The following KNTC1 variants were observed in gnomAD, a reference collection of about 807,000 sequenced individuals.
KNTC1 encodes the protein kinetochore associated 1.
KNTC1 carries 253 observed loss-of-function variants against 314.4 expected under a neutral mutation model. The ratio of observed to expected loss-of-function variants is 0.80; its 90% confidence interval spans 0.73 to 0.89. The LOEUF (loss-of-function observed/expected upper bound fraction) is 0.89. Among genes scored for constraint, KNTC1 ranks in the 40% least tolerant of loss-of-function variants. The pLI is 0.00. For synonymous variants in KNTC1, 901 were observed against 901.4 expected (o/e 1.00, Z 0.01); for missense variants, 2,475 against 2,572.9 (o/e 0.96, Z 0.82).
In KNTC1 at chr12:122,575,885, A is replaced by G. The variant is rs530518298; in HGVS notation, c.2572A>G (p.Asn858Asp). 38 of 1,611,666 alleles carry G rather than the reference A, an allele frequency of 2.4e-5. 1 individual carries two copies. In the South Asian group the frequency reaches 4.2e-4, roughly 18 times the overall value. The change falls in exon 29 of 64, where the codon AAC becomes GAC. Residue 858 changes from asparagine (N) to aspartate (D), a missense_variant. Physicochemically the swap from Asn to Asp is conservative, Grantham distance 23 (BLOSUM62 1). Transcript: ENST00000333479. ...GYGIREVNLL[N>D]KEIMRVVRYI... ...TGGAATAAGAGAGGTAAATCTCTTA[A>G]ACAAGGAAATAATGGTAAGTACACT... is the stretch of plus-strand genomic sequence containing the variant.
chr12:122,622,816 C>T (rs1194042031), intron 62 of KNTC1, among the ~76,000 whole-genome samples: 1 of 151,904 alleles, frequency 6.6e-6, no homozygotes, highest in Non-Finnish European at 1.5e-5. Context: ...GGCATGGTGG[C>T]ACATACCTGT....
At chr12:122,624,261 TTTTTCTTTTC>T (rs141832553) in intron 62 of KNTC1, among the ~76,000 whole-genome samples, 11,504 of 150,928 alleles carry the variant, frequency 0.076, 563 homozygotes, top group Middle Eastern at 0.13. Flanking sequence ...TCAATGCCTC[TTTTTCTTTTC>T]TTTTCTTTTC....
intron 58 of KNTC1, 27 bp downstream of exon 58, chr12:122,618,424 A>C: frequency 1.2e-6 from 2 of 1,613,126 alleles, no homozygotes; most frequent in Non-Finnish European, 8.5e-7. Flanking sequence ...AACATTGGCT[A>C]CAGCATTTTA....
chr12:122,588,632 A>T (rs1376918507), intron 39 of KNTC1, 80 bp from the exon 40 acceptor site: 1 of 1,023,990 alleles, frequency 9.8e-7, no homozygotes, highest in East Asian at 3.0e-5. Context: ...AATTTTCACC[A>T]AAGTTCCTTA....
At chr12:122,585,042 CCTTT>C (rs1869032394) in intron 36 of KNTC1, 52 bp downstream of exon 36, 17 of 1,039,452 alleles carry the variant, frequency 1.6e-5, no homozygotes, top group Non-Finnish European at 2.5e-5. Flanking sequence ...GCATTATGCA[CCTTT>C]TTTTTTTTTC....
chr12:122,580,727 C>T, intron 33 of KNTC1, 57 bp downstream of exon 33: 1 of 1,225,668 alleles, frequency 8.2e-7, no homozygotes, highest in South Asian at 1.4e-5. Flanking sequence ...GCATTTTTCC[C>T]TCCTTAAAGT....
Position 122,572,917 on chromosome 12 carries a change from C to G in KNTC1, c.2020-20C>G, listed in dbSNP as rs1565971285. 2 of 1,488,692 alleles carry G rather than the reference C, an allele frequency of 1.3e-6. No homozygotes were observed. Among genetic ancestry groups the G allele is most frequent in the Non-Finnish European group, 1.8e-6 (2 of 1,090,910 alleles). 92.2% of individuals were successfully genotyped at this position (1,488,692 alleles called of 1,614,324 possible). A position where few individuals can be genotyped will look rare whatever the true frequency, so the allele number is the denominator to read the frequency against. On this transcript the variant is annotated intron_variant, in intron 24 of 63. Transcript: ENST00000333479. ...TACTTTTATTTTATATCGTTAACAA[C>G]TTTAACACTTTTGTTTTAGAAAGAT... is the stretch of plus-strand genomic sequence containing the variant.
Position 122,572,972 on chromosome 12 carries a change from A to G in KNTC1, c.2055A>G (p.Leu685=), listed in dbSNP as rs1236993678. The G allele has an allele frequency of 1.9e-6, 3 of 1,601,932 alleles. No homozygotes were observed. The highest frequency in any genetic ancestry group is 2.6e-6 in the Non-Finnish European group (3 of 1,171,862). The change falls in exon 25 of 64, where the codon CTA becomes CTG. Residue 685 remains leucine (L), a synonymous_variant. Coordinates refer to ENST00000333479, the MANE Select transcript of KNTC1 (RefSeq NM_014708.6). ...DYQNTEEVCQ[L]RTLVNNLREL... ...AGAACACAGAGGAAGTATGTCAGCT[A>G]AGGACTTTGGTAAATAACTTGCGAG...
intron 18 of KNTC1, among the ~76,000 whole-genome samples, chr12:122,560,672 C>G (rs1033053864): frequency 2.0e-5 from 3 of 152,098 alleles, no homozygotes; most frequent in Non-Finnish European, 2.9e-5. Context: ...ACACTGGGCC[C>G]TAATTCTCTT....
chr12:122,557,713 G>C (rs764876476), intron 18 of KNTC1, 24 bp downstream of exon 18: 117 of 1,550,772 alleles, frequency 7.5e-5, no homozygotes, highest in Non-Finnish European at 9.9e-5. Flanking sequence ...TTTGTATTTT[G>C]TTTTTTTGGG....
chr12:122,547,915 G>T lies in KNTC1; in HGVS notation c.933G>T (p.Trp311Cys), dbSNP rs1254288671. 3.3e-6 allele frequency: 5 copies of T among 1,519,554 alleles called. No individual in the cohort carries two copies. Among genetic ancestry groups the T allele is most frequent in the Non-Finnish European group, 4.4e-6 (5 of 1,130,662 alleles). 94.1% of individuals were successfully genotyped at this position (1,519,554 alleles called of 1,614,324 possible). Residue 311 changes from tryptophan (W) to cysteine (C), a missense_variant and splice_region_variant, in exon 12 of 64, where the codon TGG (tryptophan) becomes TGT (cysteine). By Grantham distance (215) the Trp-to-Cys change is radical (BLOSUM62 -2). Coordinates refer to ENST00000333479, the MANE Select transcript of KNTC1 (RefSeq NM_014708.6). The stretch of plus-strand genomic sequence containing the variant: ...ATTTAAAGGTTCTTTTCTCTTTTAG[G>T]CAAGGAATTACAAATCTCAAATTAA... ...TEADSPSSVT[W>C]QGITNLKLIA...
At chr12:122,614,887 A>G in intron 55 of KNTC1, 104 bp from the exon 56 acceptor site, 1 of 730,446 alleles carries the variant, frequency 1.4e-6, no homozygotes, top group African/African-American at 1.8e-5. Context: ...TCTCAAAAAA[A>G]AAAAAAGCAG....
rs765801600 is a variant in KNTC1 at position 122,626,186 on chromosome 12, T to A, written c.6607-19T>A. 1.9e-5 allele frequency: 29 copies of A among 1,555,064 alleles called. No homozygotes were observed. The highest frequency in any genetic ancestry group is 2.6e-5 in the Non-Finnish European group (29 of 1,135,136). ...CTAAGTGACTTATAAAAATCACTTC[T>A]GTGTTTCTTCCCATTTAGATGTTTC... is the stretch of plus-strand genomic sequence containing the variant. On this transcript the variant is annotated intron_variant, in intron 63 of 63. Transcript: ENST00000333479.
chr12:122,566,757 G>GA (rs1964371020), intron 20 of KNTC1, among the ~76,000 whole-genome samples: 2 of 112,768 alleles, frequency 1.8e-5, no homozygotes, highest in African/African-American at 6.6e-5. Context: ...TGTCCAGGCT[G>GA]GTTTTTTTTT....
chr12:122,564,683 G>A (rs574460421), intron 20 of KNTC1, among the ~76,000 whole-genome samples: 8 of 151,988 alleles, frequency 5.3e-5, no homozygotes, highest in East Asian at 3.9e-4. Flanking sequence ...TGTTGTCCAC[G>A]CCGGTCTTGA....
At chr12:122,562,106 G>A in intron 19 of KNTC1, 132 bp downstream of exon 19, 2 of 843,596 alleles carry the variant, frequency 2.4e-6, no homozygotes, top group Non-Finnish European at 3.7e-6. Context: ...CTGCAAAATG[G>A]TAATATTAAT....
At position 122,559,062 on chromosome 12, in the gene KNTC1, G is replaced by A. The variant is rs138978908; in HGVS notation, c.1488+1373G>A. 1.8e-3 allele frequency among the ~76,000 whole-genome samples: 271 copies of A among 152,006 alleles called. 1 individual carries two copies. The highest frequency in any genetic ancestry group is 6.3e-3 in the African/African-American group (261 of 41,472). ...TTTCACTTAGCATAATATTTTCAGG[G>A]TTTGGGCTGGGCACGTTGTTTCACG... is the stretch of plus-strand genomic sequence containing the variant. On this transcript the variant is annotated intron_variant, in intron 18 of 63. Coordinates refer to ENST00000333479, the MANE Select transcript of KNTC1 (RefSeq NM_014708.6).
chr12:122,577,733 A>C lies in KNTC1; in HGVS notation c.2783A>C (p.Glu928Ala). The C allele has an allele frequency of 6.2e-7, 1 of 1,613,880 alleles. No individual in the cohort carries two copies. The highest frequency in any genetic ancestry group is 8.5e-7 in the Non-Finnish European group (1 of 1,179,816). Residue 928 changes from glutamate (E) to alanine (A), a missense_variant, in exon 31 of 64, where the codon GAA becomes GCA. By Grantham distance (107) the Glu-to-Ala change is moderately radical. Transcript: ENST00000333479. ...CCTGCTGAAGCTGAGAAAACTGCAG[A>C]AAGAGTCATCATATGGGCACGACTG... ...LPPAEAEKTA[E>A]RVIIWARLAL...
In KNTC1 at chr12:122,530,204, T is replaced by C; in HGVS notation, c.129+12T>C. ...TCTCTTCTGAAAAGGTAGTGATTATTACACTGACTGTTTCATTCACAGAAT... is the reference window on the plus strand; with the variant it reads ...TCTCTTCTGAAAAGGTAGTGATTATCACACTGACTGTTTCATTCACAGAAT... On this transcript the variant is annotated intron_variant, in intron 2 of 63. Coordinates refer to ENST00000333479, the MANE Select transcript of KNTC1 (RefSeq NM_014708.6). 1.2e-6 allele frequency: 2 copies of C among 1,610,066 alleles called. No homozygotes were observed. The highest frequency in any genetic ancestry group is 2.2e-5 in the South Asian group (2 of 90,492).
Sources: gnomAD v4.1 joint callset for allele counts (sites outside exome capture counted in the v4.1 genomes callset) on GRCh38, gnomAD v4.1.1 for gene constraint, MANE v1.5 for transcripts, NCBI Gene and HGNC (gene_info 2026-07-23, HGNC 2026-07-21) for gene names.